CES5A: variants seen among roughly 807,000 people sequenced by gnomAD.
CES5A encodes the protein carboxylesterase 5.
In CES5A, 67 loss-of-function variants were observed where a neutral mutation model predicts 62.9. That is an observed-to-expected ratio of 1.07 (90% CI 0.88 to 1.31). CES5A has a LOEUF of 1.31. Ranked by LOEUF, CES5A falls within the 50% of genes most tolerant of loss-of-function variation. CES5A has a pLI of 0.00. For missense variants in CES5A, 748 were observed against 708.5 expected (o/e 1.06, Z -0.63); for synonymous variants, 296 against 280.8 (o/e 1.05, Z -0.54).
At chr16:55,907,450 T>C (rs1244877750) in intron 1 of CES5A, among the ~76,000 whole-genome samples, 1 of 152,236 alleles carries the variant, frequency 6.6e-6, no homozygotes, top group Non-Finnish European at 1.5e-5. Context: ...CCAAGTGCTA[T>C]GCATATGAAA....
chr16:55,944,631 C>CA (rs1168111836), intron 2 of CES5A, among the ~76,000 whole-genome samples: 7 of 152,096 alleles, frequency 4.6e-5, no homozygotes, highest in African/African-American at 1.7e-4. Flanking sequence ...GGCGACAATG[C>CA]AAAAAAACTT....
intron 2 of CES5A, among the ~76,000 whole-genome samples, chr16:55,932,477 T>C (rs878966105): frequency 1.3e-5 from 2 of 151,584 alleles, no homozygotes; most frequent in Admixed American, 1.3e-4. Flanking sequence ...AGTTAGTTAG[T>C]TGCTTACTTC....
chr16:55,933,061 G>C (rs13333123), intron 2 of CES5A, among the ~76,000 whole-genome samples: 1 of 152,192 alleles, frequency 6.6e-6, no homozygotes, highest in Non-Finnish European at 1.5e-5. Context: ...GCCCACATGA[G>C]AGTCCAGTGT....
At chr16:55,933,648 A>G (rs1418101243) in intron 2 of CES5A, among the ~76,000 whole-genome samples, 1 of 152,142 alleles carries the variant, frequency 6.6e-6, no homozygotes, top group African/African-American at 2.4e-5. Flanking sequence ...ATATGTATAT[A>G]CATATACATG....
intron 1 of CES5A, among the ~76,000 whole-genome samples, chr16:55,906,391 A>T (rs2142446199): frequency 6.6e-6 from 1 of 152,336 alleles, no homozygotes; most frequent in South Asian, 2.1e-4. Flanking sequence ...CAGTCAGCAA[A>T]GAGTTGGGAA....
chr16:55,908,327 G>A (rs149149285), intron 1 of CES5A, among the ~76,000 whole-genome samples: 1 of 151,164 alleles, frequency 6.6e-6, no homozygotes, highest in East Asian at 1.9e-4. Flanking sequence ...GTCCTATAGT[G>A]TCTTCTCAGT....
At chr16:55,848,596 C>T (rs879547457) in intron 11 of CES5A, among the ~76,000 whole-genome samples, 1 of 151,958 alleles carries the variant, frequency 6.6e-6, no homozygotes, top group Non-Finnish European at 1.5e-5. Context: ...AGTGGATGTT[C>T]GTATGTTTAG....
intron 3 of CES5A, 107 bp from the exon 4 acceptor site, chr16:55,869,851 T>C: frequency 7.0e-7 from 1 of 1,428,262 alleles, no homozygotes; most frequent in Non-Finnish European, 9.3e-7. Flanking sequence ...TCCCACTTGC[T>C]AAGCAGGGTG....
chr16:55,877,711 G>C (rs1469954443), upstream of CES5A, among the ~76,000 whole-genome samples: 4 of 152,098 alleles, frequency 2.6e-5, no homozygotes, highest in Non-Finnish European at 5.9e-5. Flanking sequence ...ACAGGTACCA[G>C]ACCCTGGGCT....
chr16:55,904,097 A>G (rs1484610059), intron 1 of CES5A, among the ~76,000 whole-genome samples: 2 of 152,274 alleles, frequency 1.3e-5, no homozygotes, highest in Non-Finnish European at 2.9e-5. Context: ...ATCAGACTAC[A>G]CTTGGATGCT....
intron 2 of CES5A, among the ~76,000 whole-genome samples, chr16:55,873,188 C>G (rs942425417): frequency 6.6e-6 from 1 of 152,134 alleles, no homozygotes; most frequent in Non-Finnish European, 1.5e-5. Context: ...CTCACCTCAC[C>G]CCTCCACAAT....
chr16:55,919,666 AT>A (rs2034182299), intron 1 of CES5A, among the ~76,000 whole-genome samples: 1 of 152,222 alleles, frequency 6.6e-6, no homozygotes, highest in Non-Finnish European at 1.5e-5. Flanking sequence ...ATTTAGAAAA[AT>A]CTAGAAAAAT....
chr16:55,854,531 C>CTTTCTGTTTTCTTTCTTTTTTTTTTTTGT, intron 9 of CES5A, among the ~76,000 whole-genome samples: 1 of 52,158 alleles, frequency 1.9e-5, no homozygotes, highest in South Asian at 9.0e-4. Flanking sequence ...TGTAGTGTTT[C>CTTTCTGTTTTCTTTCTTTTTTTTTTTTGT]TTTTTTTTTT....
intron 6 of CES5A, 30 bp from the exon 7 acceptor site, chr16:55,861,546 CATG>C (rs1209195073): frequency 6.7e-7 from 1 of 1,483,596 alleles, no homozygotes; most frequent in Non-Finnish European, 9.4e-7. Context: ...CGGGTTAGAG[CATG>C]ATATTGAAAG....
At chr16:55,869,521 C>T (rs1167129582) in intron 4 of CES5A, 90 bp downstream of exon 4, 11 of 1,466,900 alleles carry the variant, frequency 7.5e-6, no homozygotes, top group Admixed American at 2.3e-5. Flanking sequence ...CCGGAAGGCT[C>T]GCTCCTTCTT....
At chr16:55,896,626 G>T (rs1192757746) in intron 1 of CES5A, among the ~76,000 whole-genome samples, 1 of 152,232 alleles carries the variant, frequency 6.6e-6, no homozygotes, top group Non-Finnish European at 1.5e-5. Context: ...GTGGGGTAAG[G>T]CTGGGGCCAG....
At chr16:55,944,661 A>C (rs2142482186) in intron 2 of CES5A, among the ~76,000 whole-genome samples, 1 of 152,290 alleles carries the variant, frequency 6.6e-6, no homozygotes, top group Middle Eastern at 3.4e-3. Context: ...TGCGCATTTC[A>C]ACGCTAACTG....
intron 2 of CES5A, among the ~76,000 whole-genome samples, 194 bp downstream of exon 2, chr16:55,873,639 A>G (rs1338390317): frequency 6.6e-6 from 1 of 152,148 alleles, no homozygotes; most frequent in Non-Finnish European, 1.5e-5. Flanking sequence ...ATTTTTAAAG[A>G]TGCCTCCAGT....
chr16:55,934,987 G>A (rs2034357058), intron 2 of CES5A, among the ~76,000 whole-genome samples: 1 of 152,182 alleles, frequency 6.6e-6, no homozygotes. Flanking sequence ...CTGTCACTCA[G>A]GCTAGAGTAC....
Sources: allele counts gnomAD v4.1 joint callset (sites outside exome capture counted in the v4.1 genomes callset), GRCh38; gene constraint gnomAD v4.1.1; transcripts MANE v1.5; gene names NCBI Gene and HGNC (gene_info 2026-07-23, HGNC 2026-07-21).